L2HGDH: variants seen among roughly 807,000 people sequenced by gnomAD.
L2HGDH encodes the protein L-2-hydroxyglutarate dehydrogenase, also known as L-2-hydroxyglutarate dehydrogenase, mitochondrial.
A neutral mutation model predicts 51.5 loss-of-function variants in L2HGDH; 34 were observed. The ratio of observed to expected loss-of-function variants is 0.66; its 90% confidence interval spans 0.50 to 0.88. The LOEUF is 0.88. Among genes scored for constraint, L2HGDH ranks in the 40% least tolerant of loss-of-function variants. The pLI, the probability that L2HGDH is intolerant of heterozygous loss-of-function variation, is 0.00. For synonymous variants in L2HGDH, 198 were observed against 197.9 expected (o/e 1.00, Z -0.01); for missense variants, 558 against 571.9 (o/e 0.98, Z 0.25).
chr14:50,273,435 C>T (rs535872445), intron 6 of L2HGDH, among the ~76,000 whole-genome samples: 1 of 152,140 alleles, frequency 6.6e-6, no homozygotes, highest in South Asian at 2.1e-4. Context: ...CTTTTTTACA[C>T]CATTCACAAA....
chr14:50,265,573 T>C lies in L2HGDH; in HGVS notation c.1065-84A>G, dbSNP rs917876982. The C allele has an allele frequency of 7.3e-5, 90 of 1,238,224 alleles. 1 individual carries two copies. The East Asian group carries it at 2.2e-3, about 30-fold the overall frequency. 76.7% of individuals were successfully genotyped at this position (1,238,224 alleles called of 1,614,324 possible). A position where few individuals can be genotyped will look rare whatever the true frequency, so the allele number is the denominator to read the frequency against. Reference sequence around the variant, plus strand: ...CCTTTATAATTATTAGATTCTTTTTTTATGTCATCACAAAAATCTAGGCAA... The same window carrying C: ...CCTTTATAATTATTAGATTCTTTTTCTATGTCATCACAAAAATCTAGGCAA... On this transcript the variant is annotated intron_variant, in intron 8 of 9. Coordinates refer to ENST00000267436, the MANE Select transcript of L2HGDH (RefSeq NM_024884.3).
In L2HGDH at chr14:50,242,909, C is replaced by G; in HGVS notation, c.*4149G>C. On this transcript the variant is annotated 3_prime_UTR_variant, in exon 10 of 10. Coordinates refer to ENST00000267436, the MANE Select transcript of L2HGDH (RefSeq NM_024884.3). Reference sequence around the variant, plus strand: ...TCCTTAAACAATATAGACACCATGTCTCCTGTGTTTACAGGGATAGCTCAT... The same window carrying G: ...TCCTTAAACAATATAGACACCATGTGTCCTGTGTTTACAGGGATAGCTCAT... 1.2e-5 allele frequency: 12 copies of G among 985,476 alleles called. No homozygotes were observed. The highest frequency in any genetic ancestry group is 1.4e-5 in the Non-Finnish European group (12 of 829,944). 61.0% of individuals were successfully genotyped at this position (985,476 alleles called of 1,614,324 possible). A position where few individuals can be genotyped will look rare whatever the true frequency, so the allele number is the denominator to read the frequency against.
rs201055916 is a variant in L2HGDH at position 50,267,734 on chromosome 14, T to C, written c.1064+19A>G. ...AAATATAAGCACATAAAATCATTTT[T>C]AAAAATAAATAATGTTACCTATTGA... On this transcript the variant is annotated intron_variant, in intron 8 of 9. Coordinates refer to ENST00000267436, the MANE Select transcript of L2HGDH (RefSeq NM_024884.3). The C allele has an allele frequency of 2.5e-5, 40 of 1,575,140 alleles. No individual in the cohort carries two copies. The highest frequency in any genetic ancestry group is 3.4e-5 in the South Asian group (3 of 89,286).
At chr14:50,308,340 C>T (rs952507424) in intron 1 of L2HGDH, among the ~76,000 whole-genome samples, 7 of 151,308 alleles carry the variant, frequency 4.6e-5, no homozygotes, top group African/African-American at 1.7e-4. Context: ...TGAGCCGAGA[C>T]CGCGCCACTG....
chr14:50,293,772 C>T (rs926174043), intron 4 of L2HGDH, among the ~76,000 whole-genome samples: 2 of 152,160 alleles, frequency 1.3e-5, no homozygotes, highest in African/African-American at 4.8e-5. Context: ...ATGCCAAACC[C>T]TTTATGTGGG....
intron 9 of L2HGDH, among the ~76,000 whole-genome samples, chr14:50,253,895 ATTATG>A (rs776975835): frequency 6.6e-6 from 1 of 152,188 alleles, no homozygotes; most frequent in Non-Finnish European, 1.5e-5. Flanking sequence ...CATGGAGGTC[ATTATG>A]TTAAGTAAAA....
chr14:50,250,586 C>T (rs1888288587), intron 9 of L2HGDH, among the ~76,000 whole-genome samples: 1 of 152,166 alleles, frequency 6.6e-6, no homozygotes, highest in South Asian at 2.1e-4. Context: ...AGGGAAGGGC[C>T]CTGGGCAAGA....
chr14:50,304,217 GA>G (rs1022536313), intron 1 of L2HGDH, among the ~76,000 whole-genome samples: 1 of 152,190 alleles, frequency 6.6e-6, no homozygotes, highest in Non-Finnish European at 1.5e-5. Context: ...AAAAGGTACA[GA>G]AAAAATATGG....
At chr14:50,248,709 C>T (rs1216294510) in intron 9 of L2HGDH, among the ~76,000 whole-genome samples, 1 of 152,076 alleles carries the variant, frequency 6.6e-6, no homozygotes, top group Non-Finnish European at 1.5e-5. Flanking sequence ...TAAGAATTTC[C>T]AAGTAAGAAT....
chr14:50,292,380 C>T (rs146075817), intron 4 of L2HGDH, among the ~76,000 whole-genome samples: 22 of 152,196 alleles, frequency 1.4e-4, no homozygotes, highest in African/African-American at 3.6e-4. Flanking sequence ...AAGAAAAAAA[C>T]GGAAGGCCTT....
intron 3 of L2HGDH, among the ~76,000 whole-genome samples, chr14:50,299,422 C>T (rs1432723090): frequency 1.3e-5 from 2 of 152,298 alleles, no homozygotes; most frequent in Non-Finnish European, 2.9e-5. Flanking sequence ...CTAAACCCTA[C>T]TCAAACTATT....
At chr14:50,292,753 C>T (rs1416408129) in intron 4 of L2HGDH, among the ~76,000 whole-genome samples, 2 of 151,694 alleles carry the variant, frequency 1.3e-5, no homozygotes, top group Non-Finnish European at 2.9e-5. Context: ...GGTGTGGTGG[C>T]GGGTGCCTGT....
intron 9 of L2HGDH, among the ~76,000 whole-genome samples, chr14:50,263,160 G>A (rs1742448937): frequency 6.6e-6 from 1 of 152,190 alleles, no homozygotes; most frequent in Non-Finnish European, 1.5e-5. Context: ...AATTCACTAT[G>A]CTCACCTCGT....
intron 9 of L2HGDH, among the ~76,000 whole-genome samples, chr14:50,264,879 T>C (rs972395510): frequency 6.6e-6 from 1 of 151,838 alleles, no homozygotes; most frequent in African/African-American, 2.4e-5. Context: ...ACCTAAAAGG[T>C]TTTTTTTAAG....
At chr14:50,293,099 T>A in intron 4 of L2HGDH, 1 of 636,130 alleles carries the variant, frequency 1.6e-6, no homozygotes, top group East Asian at 2.8e-5. Context: ...GGTGACAGAG[T>A]AAGAACCCAT....
chr14:50,279,256 AC>A (rs1890130440), intron 5 of L2HGDH, among the ~76,000 whole-genome samples: 1 of 152,226 alleles, frequency 6.6e-6, no homozygotes, highest in African/African-American at 2.4e-5. Flanking sequence ...ACAGAACACT[AC>A]TTTTTTTCTC....
At chr14:50,247,691 G>A (rs1888088421) in intron 9 of L2HGDH, among the ~76,000 whole-genome samples, 1 of 152,140 alleles carries the variant, frequency 6.6e-6, no homozygotes, top group African/African-American at 2.4e-5. Flanking sequence ...TTGCATTCCT[G>A]TATCCTATTC....
intron 7 of L2HGDH, among the ~76,000 whole-genome samples, chr14:50,268,381 GAAAAA>G (rs769880130): frequency 1.5e-5 from 1 of 67,924 alleles, no homozygotes; most frequent in South Asian, 4.8e-4. Flanking sequence ...TCTGTCTCAG[GAAAAA>G]AAAAAAAAAA....
intron 9 of L2HGDH, among the ~76,000 whole-genome samples, chr14:50,253,110 C>T (rs12893979): frequency 0.3 from 46,094 of 151,924 alleles, 8,233 homozygotes; most frequent in Middle Eastern, 0.42. Flanking sequence ...TGGAATAAAA[C>T]TACAAATCAA....
Sources: gnomAD v4.1 joint callset for allele counts (sites outside exome capture counted in the v4.1 genomes callset) on GRCh38, gnomAD v4.1.1 for gene constraint, MANE v1.5 for transcripts, NCBI Gene and HGNC (gene_info 2026-07-23, HGNC 2026-07-21) for gene names.